Variants in CFAP47 observed in about 807,000 individuals in gnomAD.
The protein encoded by CFAP47 is cilia and flagella associated protein 47.
CFAP47 carries 29 observed loss-of-function variants against 148.1 expected under a neutral mutation model. The observed-to-expected ratio is 0.20, with a 90% confidence interval of 0.15 to 0.27. The LOEUF is 0.27. Ranked by LOEUF, CFAP47 falls within the 10% of genes least tolerant of loss-of-function variation. The pLI, the probability that CFAP47 is intolerant of heterozygous loss-of-function variation, is 1.00. For synonymous variants in CFAP47, 664 were observed against 577.3 expected, an observed-to-expected ratio of 1.15 and a Z score of -2.15; for missense variants, 1,872 against 1,697.5, an observed-to-expected ratio of 1.10 and a Z score of -1.81.
chrX:36,221,172 G>A (rs781920277), intron 45 of CFAP47, among the ~76,000 whole-genome samples: 7 of 111,568 alleles, frequency 6.3e-5, no homozygotes, highest in Non-Finnish European at 1.3e-4. Context: ...TAACTCCCAT[G>A]AGGATTTGAC....
chrX:36,203,936 T>C (rs782219796), intron 44 of CFAP47, among the ~76,000 whole-genome samples: 1 of 111,860 alleles, frequency 8.9e-6, no homozygotes, highest in East Asian at 2.8e-4. Context: ...GTTATTTTTG[T>C]AAATTCACAA....
At chrX:36,371,254 A>G (rs781797651) in intron 62 of CFAP47, among the ~76,000 whole-genome samples, 1 of 111,133 alleles carries the variant, frequency 9.0e-6, no homozygotes, top group African/African-American at 3.3e-5. Context: ...GAATTACACA[A>G]AAAACTATAA....
Position 36,251,432 on chromosome X carries a change from G to A in CFAP47, c.7432G>A (p.Gly2478Ser). ...YLIHVRPWKR[G>S]ILKGTITFST... ...GATTCATGTGCGCCCTTGGAAACGT[G>A]GTATATTGAAAGGTATAAAATCCAT... The change falls in exon 49 of 64, where the codon GGT becomes AGT. Residue 2478 changes from glycine (G) to serine (S), a missense_variant. Physicochemically the swap from Gly to Ser is moderately conservative, Grantham distance 56 (BLOSUM62 0). Coordinates refer to ENST00000378653, the MANE Select transcript of CFAP47 (RefSeq NM_001304548.2). The A allele has an allele frequency of 2.0e-6, 1 of 500,444 alleles. No individual in the cohort carries two copies. The highest frequency in any genetic ancestry group is 2.6e-5 in the South Asian group (1 of 38,193). The allele number at this position is 500,444 out of a possible 1,213,427, so 41.2% of individuals were successfully genotyped here.
chrX:35,995,496 T>C (rs964388144), intron 18 of CFAP47, among the ~76,000 whole-genome samples: 1 of 111,170 alleles, frequency 9.0e-6, no homozygotes. Context: ...CAAGAGAAAC[T>C]GGTGAGAAAC....
chrX:36,007,174 A>G (rs1936990878), intron 21 of CFAP47, among the ~76,000 whole-genome samples: 1 of 112,133 alleles, frequency 8.9e-6, no homozygotes, highest in South Asian at 3.6e-4. Flanking sequence ...GTGAGGGAGA[A>G]TTGTTCATGC....
chrX:35,923,254 A>G (rs1935605988), intron 1 of CFAP47, among the ~76,000 whole-genome samples: 1 of 111,331 alleles, frequency 9.0e-6, no homozygotes, highest in Non-Finnish European at 1.9e-5. Flanking sequence ...TATACTTTAC[A>G]TGTCCCAGTT....
At chrX:36,312,782 C>CAAA (rs1402521663) in intron 56 of CFAP47, among the ~76,000 whole-genome samples, 2 of 111,852 alleles carry the variant, frequency 1.8e-5, no homozygotes, top group Admixed American at 9.5e-5. Flanking sequence ...AAAACAGTCT[C>CAAA]TTTTAAGTAA....
intron 49 of CFAP47, among the ~76,000 whole-genome samples, chrX:36,260,700 A>G (rs7064444): frequency 1.8e-5 from 2 of 111,476 alleles, no homozygotes; most frequent in African/African-American, 6.6e-5. Flanking sequence ...GAAACTTTTT[A>G]CTTTAATTAG....
At chrX:36,138,678 T>C (rs1011348849) in intron 35 of CFAP47, among the ~76,000 whole-genome samples, 5 of 110,947 alleles carry the variant, frequency 4.5e-5, no homozygotes, top group African/African-American at 1.3e-4. Flanking sequence ...CAGCTGTGCA[T>C]AATAGGAAAG....
At chrX:35,976,533 G>T (rs921809695) in intron 15 of CFAP47, among the ~76,000 whole-genome samples, 2 of 111,275 alleles carry the variant, frequency 1.8e-5, no homozygotes, top group African/African-American at 6.5e-5. Context: ...TGTTAATTAC[G>T]TCTAAAAAAA....
chrX:36,053,738 G>A (rs1763564898), intron 26 of CFAP47, among the ~76,000 whole-genome samples: 1 of 112,133 alleles, frequency 8.9e-6, no homozygotes, highest in Non-Finnish European at 1.9e-5. Flanking sequence ...TAATACTGGT[G>A]TGTCATAATA....
intron 49 of CFAP47, among the ~76,000 whole-genome samples, chrX:36,272,763 A>G (rs1021265710): frequency 3.6e-5 from 4 of 111,505 alleles, no homozygotes; most frequent in Non-Finnish European, 7.5e-5. Flanking sequence ...GATATAGCTT[A>G]TGTTGAGAAA....
At chrX:36,098,498 G>A (rs1407391539) in intron 30 of CFAP47, among the ~76,000 whole-genome samples, 1 of 110,863 alleles carries the variant, frequency 9.0e-6, no homozygotes, top group African/African-American at 3.3e-5. Flanking sequence ...TCAGAGCAAC[G>A]GACTAGAGTT....
At position 36,050,668 on chromosome X, in the gene CFAP47, G is replaced by A. The variant is rs147405560; in HGVS notation, c.4217+3605G>A. 6.8e-3 allele frequency among the ~76,000 whole-genome samples: 761 copies of A among 112,432 alleles called. 2 individuals are homozygous for A. The highest frequency in any genetic ancestry group is 0.023 in the African/African-American group (711 of 30,976). ...AGTAGAATAGAAAAACCCATTTTCT[G>A]TGGAGAAGTTCAAGTCAGCAGCATA... On this transcript the variant is annotated intron_variant, in intron 26 of 63. Transcript: ENST00000378653.
rs1443941962 is a variant in CFAP47 at position 35,966,710 on chromosome X, T to A, written c.1556T>A (p.Ile519Asn). ...FHHVYLAFNS[I>N]CKASTKKVVM... ...CACGTATATTTAGCTTTCAACAGCA[T>A]CTGTAAAGCTTCCACCAAGAAAGTT... Residue 519 changes from isoleucine to asparagine, a missense_variant, in exon 9 of 64, where the codon ATC (isoleucine) becomes AAC (asparagine). Ile to Asn is a moderately radical substitution (Grantham distance 149). Transcript: ENST00000378653. 8.5e-7 allele frequency: 1 copy of A among 1,170,044 alleles called. No individual in the cohort carries two copies. Among genetic ancestry groups the A allele is most frequent in the Non-Finnish European group, 1.1e-6 (1 of 872,880 alleles).
intron 51 of CFAP47, among the ~76,000 whole-genome samples, chrX:36,287,715 G>A (rs979943891): frequency 4.5e-5 from 5 of 111,517 alleles, no homozygotes; most frequent in Non-Finnish European, 9.4e-5. Context: ...TTAGGCTATC[G>A]TGGCTAGTGA....
intron 1 of CFAP47, among the ~76,000 whole-genome samples, chrX:35,923,789 C>A: frequency 9.5e-6 from 1 of 105,031 alleles, no homozygotes; most frequent in African/African-American, 3.5e-5. Flanking sequence ...CACTGCACTC[C>A]AGCCTGGCGA....
intron 48 of CFAP47, among the ~76,000 whole-genome samples, chrX:36,241,157 C>T (rs977769540): frequency 8.9e-6 from 1 of 111,893 alleles, no homozygotes; most frequent in Non-Finnish European, 1.9e-5. Context: ...AGCTTATTCT[C>T]ACTGCAGACC....
At chrX:36,375,301 G>C (rs1263752111) in intron 62 of CFAP47, 1 of 150,169 alleles carries the variant, frequency 6.7e-6, no homozygotes, top group African/African-American at 3.2e-5. Flanking sequence ...TGGTTGTTCA[G>C]GTGCGTGTTA....
Sources: allele counts gnomAD v4.1 joint callset (sites outside exome capture counted in the v4.1 genomes callset), GRCh38; gene constraint gnomAD v4.1.1; transcripts MANE v1.5; gene names NCBI Gene and HGNC (gene_info 2026-07-23, HGNC 2026-07-21).